USP12: variants seen among roughly 807,000 people sequenced by gnomAD.
USP12 encodes the protein ubiquitin specific peptidase 12, also known as ubiquitin carboxyl-terminal hydrolase 12.
Under a neutral mutation model 45.5 loss-of-function variants are expected in USP12, and 19 were observed. The ratio of observed to expected loss-of-function variants is 0.42; its 90% CI spans 0.29 to 0.61. USP12 has a LOEUF of 0.61. USP12 is among the 20% of genes least tolerant of loss of function. The pLI, the probability that USP12 is intolerant of heterozygous loss-of-function variation, is 0.22. For missense variants in USP12, 242 were observed against 447.7 expected, an observed-to-expected ratio of 0.54 and a Z score of 4.15; for synonymous variants, 149 against 148.8, an observed-to-expected ratio of 1.00 and a Z score of -0.01.
intron 4 of USP12, 109 bp from the exon 5 acceptor site, chr13:27,090,267 T>C (rs1874250776): frequency 2.3e-6 from 2 of 877,600 alleles, no homozygotes; most frequent in African/African-American, 3.3e-5. Flanking sequence ...AAACAATTCT[T>C]TTCCCTCAAG....
At chr13:27,073,537 G>A (rs983508896) in intron 7 of USP12, among the ~76,000 whole-genome samples, 2 of 152,114 alleles carry the variant, frequency 1.3e-5, no homozygotes, top group South Asian at 4.1e-4. Flanking sequence ...GGAGAGTGGG[G>A]AGGGGACCCC....
At chr13:27,084,052 A>T (rs1873887976) in intron 6 of USP12, among the ~76,000 whole-genome samples, 1 of 151,332 alleles carries the variant, frequency 6.6e-6, no homozygotes, top group Non-Finnish European at 1.5e-5. Context: ...TTTAGTAGAG[A>T]CAGGGTTTCA....
intron 2 of USP12, among the ~76,000 whole-genome samples, chr13:27,107,617 C>A (rs1049320286): frequency 6.6e-6 from 1 of 152,226 alleles, no homozygotes; most frequent in Non-Finnish European, 1.5e-5. Flanking sequence ...GGTGTGGCAG[C>A]AACAAGTTTC....
At chr13:27,123,749 G>T (rs905422772) in intron 1 of USP12, among the ~76,000 whole-genome samples, 2 of 152,086 alleles carry the variant, frequency 1.3e-5, no homozygotes, top group Admixed American at 6.5e-5. Flanking sequence ...ATGATTTTGA[G>T]GCCTCCCCAG....
rs1431616108 is a variant in USP12 at position 27,066,965 on chromosome 13, TAAG to T, written c.*2315_*2317del. On this transcript the variant is annotated 3_prime_UTR_variant, in exon 9 of 9. Transcript: ENST00000282344. ...ACATTTTACTTAGATCCAGCTGCATTAAGAAGAAAAAGTAAATGTAAAACTGTC... is the reference window on the plus strand; with the variant it reads ...ACATTTTACTTAGATCCAGCTGCATTAAGAAAAAGTAAATGTAAAACTGTC... 2 of 152,138 alleles carry T rather than the reference TAAG, an allele frequency of 1.3e-5. No individual in the cohort carries two copies. Among genetic ancestry groups the T allele is most frequent in the African/African-American group, 4.8e-5 (2 of 41,420 alleles). The allele number at this position is 152,138 out of a possible 1,614,324, so 9.4% of individuals were successfully genotyped here.
intron 1 of USP12, among the ~76,000 whole-genome samples, chr13:27,135,004 G>A (rs1248746303): frequency 6.6e-6 from 1 of 152,302 alleles, no homozygotes; most frequent in East Asian, 1.9e-4. Flanking sequence ...CTAAAACAAG[G>A]CCAGGTGCTG....
At chr13:27,116,689 C>T in intron 1 of USP12, 93 bp from the exon 2 acceptor site, 1 of 1,181,484 alleles carries the variant, frequency 8.5e-7, no homozygotes, top group Admixed American at 2.2e-5. Flanking sequence ...CATGATGGTC[C>T]TATCACATTA....
rs1875607787 is a variant in USP12, at chr13:27,114,286, A to G, written c.129+2230T>C. Among the ~76,000 whole-genome samples the G allele has an allele frequency of 2.6e-5, 4 of 152,190 alleles. No homozygotes were observed. In the South Asian group the frequency reaches 6.2e-4, roughly 24 times the overall value. On this transcript the variant is annotated intron_variant, in intron 2 of 8. Coordinates refer to ENST00000282344, the MANE Select transcript of USP12 (RefSeq NM_182488.4). ...AAAGATACACTAAATTGTGGTTTAA[A>G]TCACTCTCTATCAGCTCTACTAAAA...
At position 27,074,206 on chromosome 13, in the gene USP12, C is replaced by G. The variant is rs113418259; in HGVS notation, c.932+985G>C. On this transcript the variant is annotated intron_variant, in intron 7 of 8. Transcript: ENST00000282344. ...ACGAGGTCAGGAGATTAAGACCATC[C>G]TGGCTAACATGGTGAAACCCCGTCT... Among the ~76,000 whole-genome samples the G allele has an allele frequency of 5.5e-3, 830 of 152,254 alleles. 9 individuals are homozygous for G. The highest frequency in any genetic ancestry group is 0.018 in the African/African-American group (746 of 41,556).
chr13:27,139,922 T>C (rs1876981577), intron 1 of USP12, among the ~76,000 whole-genome samples: 2 of 152,142 alleles, frequency 1.3e-5, no homozygotes, highest in Non-Finnish European at 2.9e-5. Flanking sequence ...AATAAACAAG[T>C]GATAGTAAAA....
At chr13:27,114,615 A>G (rs1026352129) in intron 2 of USP12, among the ~76,000 whole-genome samples, 4 of 152,218 alleles carry the variant, frequency 2.6e-5, no homozygotes, top group African/African-American at 9.7e-5. Flanking sequence ...GTAAGCTGCC[A>G]TAAGAGCCAT....
intron 4 of USP12, among the ~76,000 whole-genome samples, chr13:27,093,104 G>A (rs544656413): frequency 6.6e-6 from 1 of 151,984 alleles, no homozygotes; most frequent in East Asian, 1.9e-4. Context: ...GCTGACACAA[G>A]AGAACCACTT....
chr13:27,098,570 G>A (rs1874707880), intron 3 of USP12, among the ~76,000 whole-genome samples: 1 of 152,170 alleles, frequency 6.6e-6, no homozygotes, highest in Non-Finnish European at 1.5e-5. Flanking sequence ...GTTAGCTTGA[G>A]TATGGAGAAA....
At chr13:27,139,467 T>A (rs1184707593) in intron 1 of USP12, among the ~76,000 whole-genome samples, 2 of 151,918 alleles carry the variant, frequency 1.3e-5, no homozygotes, top group African/African-American at 2.4e-5. Context: ...AATACAAAAA[T>A]CAGCTGGGCA....
chr13:27,097,732 T>C (rs73155874), intron 3 of USP12, among the ~76,000 whole-genome samples: 3,201 of 152,280 alleles, frequency 0.021, 50 homozygotes, highest in South Asian at 0.049. Context: ...TTAAAAGTGC[T>C]TAGAATACAA....
chr13:27,153,319 GTAAA>G (rs1414181175), intron 1 of USP12, among the ~76,000 whole-genome samples: 2 of 152,108 alleles, frequency 1.3e-5, no homozygotes, highest in Non-Finnish European at 2.9e-5. Context: ...AAAAAAATAA[GTAAA>G]TAAATAAAGC....
chr13:27,149,592 A>G (rs1403658985), intron 1 of USP12, among the ~76,000 whole-genome samples: 1 of 152,238 alleles, frequency 6.6e-6, no homozygotes. Flanking sequence ...TATGGAGTAG[A>G]ATAGTGGTTA....
chr13:27,082,616 G>A (rs763009245), intron 6 of USP12, among the ~76,000 whole-genome samples: 3 of 152,144 alleles, frequency 2.0e-5, no homozygotes, highest in Non-Finnish European at 4.4e-5. Context: ...GGCTTTCAAC[G>A]TGCCCTATTC....
chr13:27,083,876 T>A (rs559906059), intron 6 of USP12, among the ~76,000 whole-genome samples: 40 of 148,712 alleles, frequency 2.7e-4, no homozygotes, highest in East Asian at 2.0e-3. Flanking sequence ...ATATATATAT[T>A]TTTTTGAGAT....
Sources: allele counts gnomAD v4.1 joint callset (sites outside exome capture counted in the v4.1 genomes callset), GRCh38; gene constraint gnomAD v4.1.1; transcripts MANE v1.5; gene names NCBI Gene and HGNC (gene_info 2026-07-23, HGNC 2026-07-21).